PTPRG: variants seen among roughly 807,000 people sequenced by gnomAD.
PTPRG encodes the protein receptor-type tyrosine-protein phosphatase gamma.
PTPRG carries 102 observed loss-of-function variants against 165.3 expected under a neutral mutation model. The observed-to-expected ratio is 0.62, with a 90% CI of 0.53 to 0.73. The LOEUF (loss-of-function observed/expected upper bound fraction) is 0.73. Among genes scored for constraint, PTPRG ranks in the 30% least tolerant of loss-of-function variants. PTPRG has a pLI of 0.00. For missense variants in PTPRG, 1,866 were observed against 1,861.4 expected (o/e 1.00, Z -0.05); for synonymous variants, 675 against 669.5 (o/e 1.01, Z -0.13).
intron 2 of PTPRG, among the ~76,000 whole-genome samples, chr3:61,973,916 A>G (rs1470923778): frequency 6.6e-6 from 1 of 152,176 alleles, no homozygotes; most frequent in Admixed American, 6.5e-5. Context: ...AGTCCACCAC[A>G]AAACTGTCAA....
At chr3:61,618,884 G>A (rs915789287) in intron 1 of PTPRG, among the ~76,000 whole-genome samples, 1 of 147,702 alleles carries the variant, frequency 6.8e-6, no homozygotes, top group African/African-American at 2.5e-5. Flanking sequence ...GCTCGCGCCT[G>A]TAATCCCAGC....
At chr3:61,623,752 C>T (rs1701529468) in intron 1 of PTPRG, among the ~76,000 whole-genome samples, 1 of 152,258 alleles carries the variant, frequency 6.6e-6, no homozygotes, top group African/African-American at 2.4e-5. Flanking sequence ...AAAGAAGACA[C>T]AAAACCTTCA....
intron 2 of PTPRG, among the ~76,000 whole-genome samples, chr3:61,966,674 T>C (rs575866660): frequency 5.3e-5 from 8 of 152,300 alleles, no homozygotes; most frequent in African/African-American, 1.7e-4. Context: ...GCTGGGTGTT[T>C]ATTATATGCC....
intron 2 of PTPRG, among the ~76,000 whole-genome samples, chr3:61,813,907 G>A (rs932685094): frequency 2.9e-5 from 4 of 139,240 alleles, no homozygotes; most frequent in Admixed American, 2.1e-4. Context: ...TTTTTTTTTG[G>A]GGGGGGTTGG....
At chr3:61,742,538 C>G in intron 1 of PTPRG, 3 of 1,595,836 alleles carry the variant, frequency 1.9e-6, no homozygotes, top group Non-Finnish European at 2.5e-6. Flanking sequence ...AGCAATGACA[C>G]CAAGAAGTTG....
chr3:61,918,444 G>A (rs1195612214), intron 2 of PTPRG, among the ~76,000 whole-genome samples: 7 of 152,104 alleles, frequency 4.6e-5, no homozygotes, highest in Non-Finnish European at 1.0e-4. Flanking sequence ...CTCCTATGAT[G>A]CATTGTGGTA....
At chr3:62,188,996 C>A (rs1001081575) in intron 8 of PTPRG, among the ~76,000 whole-genome samples, 1 of 151,970 alleles carries the variant, frequency 6.6e-6, no homozygotes, top group Non-Finnish European at 1.5e-5. Flanking sequence ...ACTTAGAAGC[C>A]GGAGTATTTA....
At chr3:61,966,030 A>G (rs2040263359) in intron 2 of PTPRG, among the ~76,000 whole-genome samples, 1 of 152,244 alleles carries the variant, frequency 6.6e-6, no homozygotes, top group African/African-American at 2.4e-5. Context: ...CTCCATCTGC[A>G]TTACCACAGA....
intron 15 of PTPRG, among the ~76,000 whole-genome samples, chr3:62,248,790 A>G (rs1221354812): frequency 6.6e-6 from 1 of 152,246 alleles, no homozygotes; most frequent in East Asian, 1.9e-4. Flanking sequence ...TAACTTTCTA[A>G]TAAGAGCATT....
chr3:61,826,686 C>T (rs1273356431), intron 2 of PTPRG, among the ~76,000 whole-genome samples: 1 of 152,278 alleles, frequency 6.6e-6, no homozygotes, highest in East Asian at 1.9e-4. Flanking sequence ...TTGCTTCTTA[C>T]TCTACCAAGT....
At chr3:61,594,476 A>G (rs1025424116) in intron 1 of PTPRG, among the ~76,000 whole-genome samples, 1 of 151,940 alleles carries the variant, frequency 6.6e-6, no homozygotes, top group Non-Finnish European at 1.5e-5. Flanking sequence ...GAAGACAGTG[A>G]TTACAAATAC....
chr3:62,064,510 A>G (rs912005409), intron 4 of PTPRG, among the ~76,000 whole-genome samples: 1 of 151,910 alleles, frequency 6.6e-6, no homozygotes, highest in Non-Finnish European at 1.5e-5. Context: ...TCCCCTCCGT[A>G]GGTTCTACCA....
chr3:61,738,310 A>ATATG (rs1553657841), intron 1 of PTPRG, among the ~76,000 whole-genome samples: 1 of 45,498 alleles, frequency 2.2e-5, no homozygotes, highest in Non-Finnish European at 5.0e-5. Flanking sequence ...ATATATATAT[A>ATATG]TACATATATA....
chr3:61,761,438 G>A (rs655073), intron 2 of PTPRG, among the ~76,000 whole-genome samples: 68,147 of 151,962 alleles, frequency 0.45, 15,984 homozygotes, highest in Non-Finnish European at 0.52. Flanking sequence ...AATTAGCCAG[G>A]CGTGGTGGTG....
intron 4 of PTPRG, among the ~76,000 whole-genome samples, chr3:62,054,640 T>C (rs1700573512): frequency 6.6e-6 from 1 of 152,240 alleles, no homozygotes; most frequent in Non-Finnish European, 1.5e-5. Flanking sequence ...TGCCTAATCA[T>C]GTGTCTCTTT....
At chr3:61,755,736 G>C (rs1428882048) in intron 2 of PTPRG, among the ~76,000 whole-genome samples, 2 of 152,238 alleles carry the variant, frequency 1.3e-5, no homozygotes, top group Non-Finnish European at 2.9e-5. Flanking sequence ...AGAAGCTCTA[G>C]AGCATGTGGT....
intron 3 of PTPRG, among the ~76,000 whole-genome samples, chr3:62,002,959 T>C (rs1289401189): frequency 6.6e-6 from 1 of 152,220 alleles, no homozygotes; most frequent in Non-Finnish European, 1.5e-5. Flanking sequence ...ACCTTGAATC[T>C]TGGGGTAGCC....
chr3:62,278,763 A>C (rs924464109), intron 26 of PTPRG, among the ~76,000 whole-genome samples: 5 of 152,058 alleles, frequency 3.3e-5, no homozygotes, highest in Non-Finnish European at 7.4e-5. Flanking sequence ...GAGAATCTTA[A>C]ACTAAAAGCT....
intron 1 of PTPRG, among the ~76,000 whole-genome samples, chr3:61,586,835 T>C (rs753252363): frequency 6.6e-6 from 1 of 152,248 alleles, no homozygotes; most frequent in Non-Finnish European, 1.5e-5. Context: ...GGCTACCGTG[T>C]TCTCTCCCTG....
Sources: gnomAD v4.1 joint callset for allele counts (sites outside exome capture counted in the v4.1 genomes callset) on GRCh38, gnomAD v4.1.1 for gene constraint, MANE v1.5 for transcripts, NCBI Gene and HGNC (gene_info 2026-07-23, HGNC 2026-07-21) for gene names.